PSD3: variants seen among roughly 807,000 people sequenced by gnomAD.
The protein encoded by PSD3 is PH and SEC7 domain-containing protein 3.
In PSD3, 49 loss-of-function variants were observed where a neutral mutation model predicts 105.5. The ratio of observed to expected loss-of-function variants is 0.46; its 90% CI spans 0.37 to 0.59. The LOEUF is 0.59. PSD3 is among the 20% of genes least tolerant of loss of function. The pLI, the probability that PSD3 is intolerant of heterozygous loss-of-function variation, is 0.00. For synonymous variants in PSD3, 557 were observed against 457.8 expected (o/e 1.22, Z -2.77); for missense variants, 1,561 against 1,263.8 (o/e 1.24, Z -3.57).
intron 2 of PSD3, among the ~76,000 whole-genome samples, chr8:18,873,573 G>A (rs1176313844): frequency 6.6e-6 from 1 of 152,092 alleles, no homozygotes; most frequent in African/African-American, 2.4e-5. Context: ...TTTTTGGTGT[G>A]TAGTGAAAAC....
intron 4 of PSD3, among the ~76,000 whole-genome samples, chr8:18,826,348 T>C (rs1260183764): frequency 2.6e-5 from 4 of 152,188 alleles, no homozygotes; most frequent in Non-Finnish European, 4.4e-5. Context: ...ACCTATTGAT[T>C]CAATTTCTCT....
At chr8:18,660,163 T>C (rs770399624) in intron 9 of PSD3, among the ~76,000 whole-genome samples, 15 of 152,068 alleles carry the variant, frequency 9.9e-5, no homozygotes, top group African/African-American at 1.4e-4. Context: ...GGGCTCTAAA[T>C]GCAATCACAA....
intron 4 of PSD3, among the ~76,000 whole-genome samples, chr8:18,807,756 A>G (rs2129448015): frequency 6.6e-6 from 1 of 152,294 alleles, no homozygotes; most frequent in East Asian, 1.9e-4. Flanking sequence ...TAAAATCTCC[A>G]TGAAAATACA....
At chr8:19,083,398 G>A (rs1052590852) in intron 1 of PSD3, among the ~76,000 whole-genome samples, 1 of 152,176 alleles carries the variant, frequency 6.6e-6, no homozygotes, top group Non-Finnish European at 1.5e-5. Flanking sequence ...ACAAGGGCAG[G>A]CAAGGCCATG....
At chr8:18,890,185 T>C (rs142942369) in intron 2 of PSD3, among the ~76,000 whole-genome samples, 2,107 of 152,288 alleles carry the variant, frequency 0.014, 19 homozygotes, top group Non-Finnish European at 0.021. Context: ...CTGGTAACAA[T>C]AATTCCTTAT....
At chr8:18,879,051 A>AACACACAC (rs59598569) in intron 2 of PSD3, among the ~76,000 whole-genome samples, 2,960 of 138,608 alleles carry the variant, frequency 0.021, 52 homozygotes, top group Admixed American at 0.058. Flanking sequence ...CACACACACA[A>AACACACAC]ACACACACAC....
At chr8:18,916,349 T>TATATAC (rs1563416971) in intron 2 of PSD3, among the ~76,000 whole-genome samples, 1 of 44,712 alleles carries the variant, frequency 2.2e-5, no homozygotes, top group Non-Finnish European at 4.1e-5. Flanking sequence ...TATATATATA[T>TATATAC]ACACACACAC....
intron 12 of PSD3, among the ~76,000 whole-genome samples, chr8:18,592,599 A>G (rs1258823944): frequency 1.3e-5 from 2 of 152,216 alleles, no homozygotes; most frequent in Non-Finnish European, 2.9e-5. Context: ...CTTTGAAAGT[A>G]GCAAAAGAAA....
At chr8:19,071,611 A>T (rs1384952716) in intron 1 of PSD3, among the ~76,000 whole-genome samples, 3 of 152,246 alleles carry the variant, frequency 2.0e-5, no homozygotes, top group Admixed American at 2.0e-4. Flanking sequence ...GGAGCTGCCC[A>T]GAGGCAGCAC....
intron 2 of PSD3, among the ~76,000 whole-genome samples, chr8:18,890,823 G>T (rs1042464264): frequency 1.3e-5 from 2 of 151,986 alleles, no homozygotes; most frequent in African/African-American, 4.8e-5. Flanking sequence ...GTAAGGGTGG[G>T]GGAGGGGGAA....
chr8:18,918,244 G>GC (rs1820752668), intron 2 of PSD3, among the ~76,000 whole-genome samples: 2 of 152,136 alleles, frequency 1.3e-5, no homozygotes. Context: ...AGCTTTATAT[G>GC]TGCTTCTGCC....
intron 2 of PSD3, among the ~76,000 whole-genome samples, chr8:18,885,359 A>C (rs1818388527): frequency 6.6e-6 from 1 of 152,226 alleles, no homozygotes; most frequent in East Asian, 1.9e-4. Context: ...GCTCACAGCA[A>C]GCTTTCTTCT....
At chr8:18,570,860 A>ATTC (rs1317503147) in intron 14 of PSD3, among the ~76,000 whole-genome samples, 2 of 149,680 alleles carry the variant, frequency 1.3e-5, no homozygotes, top group East Asian at 3.9e-4. Context: ...TATTATTATT[A>ATTC]TTATTATTAT....
chr8:18,808,813 A>G, intron 4 of PSD3: 2 of 1,613,714 alleles, frequency 1.2e-6, no homozygotes, highest in Non-Finnish European at 1.7e-6. Flanking sequence ...CGCCTGGACC[A>G]TCCTTCCTCT....
At chr8:18,564,112 T>C (rs1490664625) in intron 14 of PSD3, among the ~76,000 whole-genome samples, 1 of 44,380 alleles carries the variant, frequency 2.3e-5, no homozygotes, top group Non-Finnish European at 4.2e-5. Context: ...TTTCTTCTTC[T>C]TTTTTTTTTT....
upstream of PSD3, among the ~76,000 whole-genome samples, chr8:19,017,550 G>A (rs997225441): frequency 2.0e-5 from 3 of 152,054 alleles, no homozygotes; most frequent in East Asian, 1.9e-4. Context: ...CCCCATTGGC[G>A]GTCGCTCCTC....
intron 2 of PSD3, among the ~76,000 whole-genome samples, chr8:18,928,610 GA>G (rs1821527154): frequency 6.6e-6 from 1 of 152,146 alleles, no homozygotes; most frequent in South Asian, 2.1e-4. Flanking sequence ...AAAATCTCTA[GA>G]GATAAAAAGC....
At position 18,532,983 on chromosome 8, in the gene PSD3, G is replaced by A. The variant is rs11993994; in HGVS notation, c.*2760C>T. 0.063 allele frequency: 9,601 copies of A among 152,356 alleles called. 810 individuals are homozygous for A. The highest frequency in any genetic ancestry group is 0.18 in the African/African-American group (7,608 of 41,516). 9.4% of individuals were successfully genotyped at this position (152,356 alleles called of 1,614,324 possible). ...GCTCCTGGGCGCTGAGGTGGGCGAC[G>A]GAGGTGGGTGGCGTACCTTCAGAGG... On this transcript the variant is annotated 3_prime_UTR_variant, in exon 16 of 16. Coordinates refer to ENST00000327040, the MANE Select transcript of PSD3 (RefSeq NM_015310.4).
At chr8:18,612,897 C>G (rs1805370990) in intron 11 of PSD3, among the ~76,000 whole-genome samples, 1 of 152,142 alleles carries the variant, frequency 6.6e-6, no homozygotes, top group Non-Finnish European at 1.5e-5. Context: ...CACAGAGTCG[C>G]TCAGATCTAA....
Sources: allele counts gnomAD v4.1 joint callset (sites outside exome capture counted in the v4.1 genomes callset), GRCh38; gene constraint gnomAD v4.1.1; transcripts MANE v1.5; gene names NCBI Gene and HGNC (gene_info 2026-07-23, HGNC 2026-07-21).